The following NIPAL2 variants were observed in gnomAD, a reference collection of about 807,000 sequenced individuals.
NIPAL2 encodes the protein NIPA-like protein 2.
In NIPAL2, 43 loss-of-function variants were observed where a neutral mutation model predicts 48.9. The observed-to-expected ratio is 0.88, with a 90% CI of 0.69 to 1.13. NIPAL2 has a LOEUF of 1.13. Ranked by LOEUF, NIPAL2 falls within the 50% of genes most tolerant of loss-of-function variation. The pLI, the probability that NIPAL2 is intolerant of heterozygous loss-of-function variation, is 0.00. For synonymous variants in NIPAL2, 167 were observed against 174.6 expected, an observed-to-expected ratio of 0.96 and a Z score of 0.34; for missense variants, 446 against 461.4, an observed-to-expected ratio of 0.97 and a Z score of 0.31.
chr8:98,201,487 C>T (rs967463621), intron 8 of NIPAL2, among the ~76,000 whole-genome samples: 1 of 152,016 alleles, frequency 6.6e-6, no homozygotes, highest in Non-Finnish European at 1.5e-5. Flanking sequence ...TGGGTTCAAG[C>T]GATCCTCCTG....
rs1334415979 is a variant in NIPAL2, at chr8:98,193,363, T to G, written c.1040-273A>C. ...AAATCAGGTGGGTTTAGTCTGGAGA[T>G]TCACATGAAGCATTCACTCACCTCC... On this transcript the variant is annotated intron_variant, in intron 10 of 10. Coordinates refer to ENST00000430223, the MANE Select transcript of NIPAL2 (RefSeq NM_001321635.2). 2.5e-6 allele frequency: 4 copies of G among 1,613,852 alleles called. No homozygotes were observed. The Middle Eastern group carries it at 4.9e-4, about 200-fold the overall frequency.
chr8:98,256,385 G>A (rs1436789489), intron 1 of NIPAL2, among the ~76,000 whole-genome samples: 1 of 152,150 alleles, frequency 6.6e-6, no homozygotes, highest in East Asian at 1.9e-4. Context: ...CCCATGGAAT[G>A]AGAGAAAATA....
intron 1 of NIPAL2, among the ~76,000 whole-genome samples, chr8:98,266,966 G>A (rs1386839726): frequency 1.3e-5 from 2 of 150,250 alleles, no homozygotes; most frequent in Non-Finnish European, 2.9e-5. Context: ...CATATAAATG[G>A]TTCCTTTAAA....
intron 3 of NIPAL2, among the ~76,000 whole-genome samples, chr8:98,240,839 G>A (rs1812945965): frequency 6.6e-6 from 1 of 152,230 alleles, no homozygotes; most frequent in Non-Finnish European, 1.5e-5. Flanking sequence ...GTGGCCGGGT[G>A]CTGGGCTGGG....
chr8:98,261,829 G>C (rs1329422399), intron 1 of NIPAL2, among the ~76,000 whole-genome samples: 1 of 146,142 alleles, frequency 6.8e-6, no homozygotes, highest in Non-Finnish European at 1.5e-5. Context: ...ATAATTGTCA[G>C]ATTCACCAAA....
intron 1 of NIPAL2, among the ~76,000 whole-genome samples, chr8:98,266,282 T>TTA (rs1554576072): frequency 3.5e-5 from 5 of 142,260 alleles, no homozygotes; most frequent in African/African-American, 1.3e-4. Flanking sequence ...TAAAGTATAA[T>TTA]AAAAAAAAAA....
intron 8 of NIPAL2, among the ~76,000 whole-genome samples, chr8:98,196,444 C>T (rs1810554263): frequency 6.6e-6 from 1 of 152,238 alleles, no homozygotes; most frequent in Admixed American, 6.5e-5. Context: ...GCCACCCATG[C>T]TGTCACTCGT....
At chr8:98,219,540 C>A (rs1811743440) in intron 5 of NIPAL2, among the ~76,000 whole-genome samples, 3 of 152,064 alleles carry the variant, frequency 2.0e-5, no homozygotes, top group Non-Finnish European at 4.4e-5. Context: ...AAAAGCAATT[C>A]CTTTGGCAAT....
intron 3 of NIPAL2, among the ~76,000 whole-genome samples, chr8:98,238,566 C>T (rs907055260): frequency 1.3e-5 from 2 of 151,600 alleles, no homozygotes; most frequent in African/African-American, 4.9e-5. Flanking sequence ...AAGTCCACAC[C>T]AGAAACCCTC....
intron 1 of NIPAL2, among the ~76,000 whole-genome samples, chr8:98,261,737 A>G (rs1814348236): frequency 1.3e-5 from 2 of 149,984 alleles, no homozygotes; most frequent in Non-Finnish European, 3.0e-5. Context: ...TCCCCAACCT[A>G]GCAAGGCAGG....
At position 98,213,991 on chromosome 8, in the gene NIPAL2, C is replaced by T. The variant is rs1811449562; in HGVS notation, c.559-1490G>A. ...CATACAGTCGGTCACTCAATGAGTA[C>T]TGATGGAATTAATGAGTAAATCACA... On this transcript the variant is annotated intron_variant, in intron 5 of 10. Coordinates refer to ENST00000430223, the MANE Select transcript of NIPAL2 (RefSeq NM_001321635.2). Among the ~76,000 whole-genome samples, 2 of 152,094 alleles carry T rather than the reference C, an allele frequency of 1.3e-5. 1 individual carries two copies. Among genetic ancestry groups the T allele is most frequent in the Non-Finnish European group, 2.9e-5 (2 of 68,030 alleles).
chr8:98,221,031 A>G (rs944277750), intron 5 of NIPAL2, among the ~76,000 whole-genome samples: 1 of 129,706 alleles, frequency 7.7e-6, no homozygotes, highest in Non-Finnish European at 1.5e-5. Context: ...ACTGGAGTGC[A>G]ATGGCACAAT....
intron 1 of NIPAL2, among the ~76,000 whole-genome samples, chr8:98,268,126 A>C (rs1406410074): frequency 6.6e-6 from 1 of 152,222 alleles, no homozygotes; most frequent in Non-Finnish European, 1.5e-5. Flanking sequence ...TTGAATACAA[A>C]TAATTTCTTT....
intron 3 of NIPAL2, among the ~76,000 whole-genome samples, chr8:98,238,622 C>T (rs58384499): frequency 0.092 from 13,460 of 146,436 alleles, 2,008 homozygotes; most frequent in African/African-American, 0.32. Flanking sequence ...TTTTTTTTTT[C>T]CTCAACTTAG....
intron 7 of NIPAL2, among the ~76,000 whole-genome samples, chr8:98,203,846 CTGTGTGTGTG>C (rs143170810): frequency 1.7e-4 from 25 of 146,726 alleles, no homozygotes; most frequent in African/African-American, 4.0e-4. Flanking sequence ...TGGGTAGAGC[CTGTGTGTGTG>C]TGTGTGTGTG....
At chr8:98,275,135 C>G (rs1339517941) in intron 1 of NIPAL2, among the ~76,000 whole-genome samples, 1 of 151,926 alleles carries the variant, frequency 6.6e-6, no homozygotes, top group Non-Finnish European at 1.5e-5. Flanking sequence ...TGGTAAATAC[C>G]TTATTTAGAT....
chr8:98,287,623 T>A (rs1188880584), intron 1 of NIPAL2, among the ~76,000 whole-genome samples: 1 of 152,246 alleles, frequency 6.6e-6, no homozygotes, highest in African/African-American at 2.4e-5. Flanking sequence ...TAATAGCTAG[T>A]GTTTATTGGG....
Position 98,192,870 on chromosome 8 carries a change from T to C in NIPAL2, c.*108A>G. ...AGGTGGGGGAAAGGACTGAAATGAA[T>C]GCTAGCACATGTTAGCTTATAAAAG... On this transcript the variant is annotated 3_prime_UTR_variant, in exon 11 of 11. Transcript: ENST00000430223. The C allele has an allele frequency of 1.4e-6, 1 of 709,508 alleles. No homozygotes were observed. The highest frequency in any genetic ancestry group is 2.1e-5 in the Admixed American group (1 of 47,406). 44.0% of individuals were successfully genotyped at this position (709,508 alleles called of 1,614,324 possible).
chr8:98,217,134 G>A (rs1811617733), intron 5 of NIPAL2: 1 of 985,432 alleles, frequency 1.0e-6, no homozygotes, highest in Non-Finnish European at 1.2e-6. Flanking sequence ...CTGTTTTAGT[G>A]AGTGCACTTT....
Sources: gnomAD v4.1 joint callset for allele counts (sites outside exome capture counted in the v4.1 genomes callset) on GRCh38, gnomAD v4.1.1 for gene constraint, MANE v1.5 for transcripts, NCBI Gene and HGNC (gene_info 2026-07-23, HGNC 2026-07-21) for gene names.